Variants in DPYSL3 observed in about 807,000 individuals in gnomAD.
DPYSL3 encodes dihydropyrimidinase like 3.
A neutral mutation model predicts 66.1 loss-of-function variants in DPYSL3; 16 were observed. The observed-to-expected ratio is 0.24, with a 90% CI of 0.16 to 0.37. The LOEUF is 0.37. Ranked by LOEUF, DPYSL3 falls within the 10% of genes least tolerant of loss-of-function variation. DPYSL3 has a pLI of 1.00. For missense variants in DPYSL3, 738 were observed against 916.2 expected (o/e 0.81, Z 2.51); for synonymous variants, 338 against 345.1 (o/e 0.98, Z 0.23).
At chr5:147,434,942 A>G (rs1028363770) in intron 1 of DPYSL3, among the ~76,000 whole-genome samples, 1 of 152,224 alleles carries the variant, frequency 6.6e-6, no homozygotes, top group East Asian at 1.9e-4. Flanking sequence ...TGGTTCATCT[A>G]TTGTAACAAG....
In DPYSL3 at chr5:147,509,441, C is replaced by T. The variant is rs1468135116; in HGVS notation, c.381+37G>A. The T allele has an allele frequency of 2.7e-6, 4 of 1,467,416 alleles. No homozygotes were observed. The highest frequency in any genetic ancestry group is 3.6e-6 in the Non-Finnish European group (4 of 1,113,562). The allele number at this position is 1,467,416 out of a possible 1,614,324, so 90.9% of individuals were successfully genotyped here. A position where few individuals can be genotyped will look rare whatever the true frequency, so the allele number is the denominator to read the frequency against. ...TGGCGGCCAGGGCTGGAGAAAGGAA[C>T]GAAGGCAAGGAGGGAAGTGACCCGG... On this transcript the variant is annotated intron_variant, in intron 1 of 13. Transcript: ENST00000343218. The surrounding 1 kb of genome is among the most constrained non-coding windows in gnomAD (Gnocchi z 5.3).
intron 13 of DPYSL3, 48 bp downstream of exon 13, chr5:147,395,511 C>T (rs1375945100): frequency 6.4e-7 from 1 of 1,564,836 alleles, no homozygotes; most frequent in Admixed American, 1.9e-5. Context: ...GAACATTGAT[C>T]TTCCCCTTCC....
intron 1 of DPYSL3, among the ~76,000 whole-genome samples, chr5:147,481,824 A>G (rs1753249097): frequency 6.6e-6 from 1 of 152,194 alleles, no homozygotes; most frequent in Non-Finnish European, 1.5e-5. Flanking sequence ...TAGACATTCC[A>G]GGTTCCAGAA....
intron 1 of DPYSL3, among the ~76,000 whole-genome samples, chr5:147,468,680 A>T (rs987655784): frequency 3.3e-5 from 5 of 152,036 alleles, no homozygotes; most frequent in Non-Finnish European, 5.9e-5. Context: ...TGCCATAGAA[A>T]GTTGATTTGA....
intron 1 of DPYSL3, among the ~76,000 whole-genome samples, chr5:147,499,043 T>A (rs537511717): frequency 1.3e-5 from 2 of 152,232 alleles, no homozygotes; most frequent in Non-Finnish European, 2.9e-5. Context: ...CCCAGGGTTT[T>A]TAGAGTTTGG....
At chr5:147,462,241 G>A (rs1171509497) in intron 1 of DPYSL3, among the ~76,000 whole-genome samples, 1 of 152,150 alleles carries the variant, frequency 6.6e-6, no homozygotes, top group East Asian at 1.9e-4. Flanking sequence ...AAAGCAGATT[G>A]CACACACTTG....
chr5:147,467,045 C>T (rs1016804299), intron 1 of DPYSL3, among the ~76,000 whole-genome samples: 4 of 152,126 alleles, frequency 2.6e-5, no homozygotes, highest in African/African-American at 9.7e-5. Flanking sequence ...GATTTCTGAG[C>T]TCAGGGGGTC....
chr5:147,458,601 G>A (rs1028181861), intron 1 of DPYSL3, among the ~76,000 whole-genome samples: 12 of 152,128 alleles, frequency 7.9e-5, no homozygotes, highest in Admixed American at 7.2e-4. Flanking sequence ...CTCTCTTAGG[G>A]TCTGGATCGA....
chr5:147,453,447 G>C (rs970070713), intron 1 of DPYSL3: 2 of 1,406,018 alleles, frequency 1.4e-6, no homozygotes, highest in Middle Eastern at 2.6e-4. Flanking sequence ...CCCTCCCCGG[G>C]GACCAGGCCA....
chr5:147,428,114 C>A (rs1752231694), intron 1 of DPYSL3, among the ~76,000 whole-genome samples: 1 of 152,172 alleles, frequency 6.6e-6, no homozygotes, highest in Admixed American at 6.5e-5. Flanking sequence ...GAGATGGTGT[C>A]ATTGGAAACT....
At position 147,405,594 on chromosome 5, in the gene DPYSL3, T is replaced by A; in HGVS notation, c.1153+16A>T. On this transcript the variant is annotated intron_variant, in intron 8 of 13. Coordinates refer to ENST00000343218, the MANE Select transcript of DPYSL3 (RefSeq NM_001197294.2). ...AGTGCCATCAGGGGCTCCGAGATCT[T>A]GGAAACACAAATCACCTTTTTTCCT... 6.2e-7 allele frequency: 1 copy of A among 1,606,244 alleles called. No homozygotes were observed. The highest frequency in any genetic ancestry group is 8.5e-7 in the Non-Finnish European group (1 of 1,176,168).
intron 1 of DPYSL3, among the ~76,000 whole-genome samples, chr5:147,460,675 G>T (rs1239208320): frequency 6.6e-6 from 1 of 152,186 alleles, no homozygotes; most frequent in Non-Finnish European, 1.5e-5. Context: ...ACAACCAAGG[G>T]TGTCAGATGC....
chr5:147,488,242 A>G (rs1034198105), intron 1 of DPYSL3, among the ~76,000 whole-genome samples: 3 of 152,184 alleles, frequency 2.0e-5, no homozygotes, highest in Non-Finnish European at 4.4e-5. Flanking sequence ...AGAAGCTAGG[A>G]GGCTCTAGAA....
chr5:147,446,981 A>G (rs1158504174), intron 1 of DPYSL3, among the ~76,000 whole-genome samples: 1 of 152,188 alleles, frequency 6.6e-6, no homozygotes, highest in Non-Finnish European at 1.5e-5. Context: ...TTGCCTATGA[A>G]ACGAATTCAC....
At chr5:147,398,996 G>A (rs1394026859) in intron 11 of DPYSL3, 86 bp downstream of exon 11, 2 of 1,526,212 alleles carry the variant, frequency 1.3e-6, no homozygotes, top group Admixed American at 3.9e-5. Flanking sequence ...TAACTACCCT[G>A]GCACACCACA....
intron 1 of DPYSL3, among the ~76,000 whole-genome samples, chr5:147,466,660 C>G (rs906876661): frequency 7.9e-5 from 12 of 152,174 alleles, no homozygotes; most frequent in African/African-American, 2.9e-4. Context: ...AAACTCACTC[C>G]TGGATGGGGA....
intron 1 of DPYSL3, chr5:147,453,480 C>T: frequency 6.7e-7 from 1 of 1,492,032 alleles, no homozygotes; most frequent in Non-Finnish European, 9.0e-7. Flanking sequence ...GGATCCGAGC[C>T]GACCCCGCCC....
chr5:147,505,785 G>T (rs1753677956), intron 1 of DPYSL3, among the ~76,000 whole-genome samples: 1 of 152,184 alleles, frequency 6.6e-6, no homozygotes. Context: ...GTAATGGGCT[G>T]GTGGCACAAT....
Position 147,393,958 on chromosome 5 carries a change from T to C in DPYSL3, c.*77A>G. The C allele has an allele frequency of 6.9e-7, 1 of 1,446,124 alleles. No individual in the cohort carries two copies. Among genetic ancestry groups the C allele is most frequent in the Non-Finnish European group, 9.7e-7 (1 of 1,033,204 alleles). 89.6% of individuals were successfully genotyped at this position (1,446,124 alleles called of 1,614,324 possible). On this transcript the variant is annotated 3_prime_UTR_variant, in exon 14 of 14. Coordinates refer to ENST00000343218, the MANE Select transcript of DPYSL3 (RefSeq NM_001197294.2). ...CACAACCGTTTGGATTCGCTTTCCT[T>C]CTTAAATATCGGTGTACCATTTTGG...
Sources: gnomAD v4.1 joint callset for allele counts (sites outside exome capture counted in the v4.1 genomes callset) on GRCh38, gnomAD v4.1.1 for gene constraint, Gnocchi (gnomAD v3.1) non-coding constraint, MANE v1.5 for transcripts, NCBI Gene and HGNC (gene_info 2026-07-23, HGNC 2026-07-21) for gene names.